The following PHYH variants were observed in gnomAD, a reference collection of about 807,000 sequenced individuals.
The protein encoded by PHYH is phytanoyl-CoA 2-hydroxylase.
PHYH carries 32 observed loss-of-function variants against 38.5 expected under a neutral mutation model. The observed-to-expected ratio is 0.83, with a 90% CI of 0.63 to 1.12. The LOEUF (loss-of-function observed/expected upper bound fraction) is 1.12. Ranked by LOEUF, PHYH falls within the 50% of genes most tolerant of loss-of-function variation. The probability of loss-of-function intolerance (pLI) is 0.00; values close to 1 mark genes in which losing one functional copy is unlikely to be tolerated. For synonymous variants in PHYH, 166 were observed against 157.9 expected (o/e 1.05, Z -0.38); for missense variants, 426 against 434.8 (o/e 0.98, Z 0.18).
intron 8 of PHYH, among the ~76,000 whole-genome samples, chr10:13,280,751 C>A (rs937138672): frequency 6.6e-6 from 1 of 152,132 alleles, no homozygotes; most frequent in East Asian, 1.9e-4. Flanking sequence ...TCTGGACAGC[C>A]CCAAGACATA....
Position 13,300,048 on chromosome 10 carries a change from C to G in PHYH, c.-6G>C. On this transcript the variant is annotated 5_prime_UTR_variant, in exon 1 of 9. Transcript: ENST00000263038. ...GCGGCGCGAAGCTGCTCCATGGCTGCGGCGCGGGGAACCCCCACCCCTCCC... is the reference window on the plus strand; with the variant it reads ...GCGGCGCGAAGCTGCTCCATGGCTGGGGCGCGGGGAACCCCCACCCCTCCC... The G allele has an allele frequency of 2.0e-6, 3 of 1,530,162 alleles. No homozygotes were observed. Among genetic ancestry groups the G allele is most frequent in the East Asian group, 2.5e-5 (1 of 40,194 alleles). 94.8% of individuals were successfully genotyped at this position (1,530,162 alleles called of 1,614,324 possible). A position where few individuals can be genotyped will look rare whatever the true frequency, so the allele number is the denominator to read the frequency against.
chr10:13,282,579 G>A (rs550543362), intron 7 of PHYH, among the ~76,000 whole-genome samples: 1 of 130,268 alleles, frequency 7.7e-6, no homozygotes, highest in East Asian at 2.2e-4. Context: ...GCAACAGAGT[G>A]AGACTCCACC....
chr10:13,288,524 G>A lies in PHYH; in HGVS notation c.514C>T (p.His172Tyr). 3.1e-6 allele frequency: 5 copies of A among 1,614,122 alleles called. No individual in the cohort carries two copies. Among genetic ancestry groups the A allele is most frequent in the Non-Finnish European group, 4.2e-6 (5 of 1,180,032 alleles). Residue 172 changes from histidine (H) to tyrosine (Y), a missense_variant, in exon 6 of 9, where the codon CAC becomes TAC. Coordinates refer to ENST00000263038, the MANE Select transcript of PHYH (RefSeq NM_006214.4). The part of the protein sequence containing the change: ...PPDSGKKTSR[H>Y]PLHQDLHYFP... ...TAGTGCAGGTCCTGGTGCAGGGGGT[G>A]ACGGGACGTCTTCTTGCCTGAAAAG...
At chr10:13,296,712 A>AGC (rs1047680809) in intron 2 of PHYH, among the ~76,000 whole-genome samples, 2 of 151,426 alleles carry the variant, frequency 1.3e-5, no homozygotes, top group Non-Finnish European at 2.9e-5. Flanking sequence ...CTGTAATCCT[A>AGC]GCTTTGGGAG....
At chr10:13,291,035 T>C (rs1382519374) in intron 5 of PHYH, among the ~76,000 whole-genome samples, 2 of 121,534 alleles carry the variant, frequency 1.6e-5, no homozygotes, top group African/African-American at 3.2e-5. Context: ...ACCTGGGAGG[T>C]GGGGGTTGCA....
intron 2 of PHYH, among the ~76,000 whole-genome samples, chr10:13,297,102 T>C (rs1832579636): frequency 2.0e-5 from 3 of 152,152 alleles, no homozygotes; most frequent in Non-Finnish European, 4.4e-5. Flanking sequence ...AAGCAATTTT[T>C]AACAGTGATT....
At chr10:13,292,623 G>C (rs1457747672) in intron 4 of PHYH, among the ~76,000 whole-genome samples, 1 of 152,104 alleles carries the variant, frequency 6.6e-6, no homozygotes, top group African/African-American at 2.4e-5. Flanking sequence ...CAACGGAGAG[G>C]GAAAAAGCAG....
In PHYH at chr10:13,288,241, G is replaced by C. The variant is rs528796312; in HGVS notation, c.678+119C>G. On this transcript the variant is annotated intron_variant, in intron 6 of 8. Transcript: ENST00000263038. The stretch of plus-strand genomic sequence containing the variant: ...CTCTGATCCTCACTGCAAATCTTAG[G>C]ACAATGTTTTGCTCAGAAAGGAAAT... 2.2e-4 allele frequency: 202 copies of C among 898,000 alleles called. No individual in the cohort carries two copies. The African/African-American group carries it at 3.0e-3, about 13-fold the overall frequency. 55.6% of individuals were successfully genotyped at this position (898,000 alleles called of 1,614,324 possible).
intron 1 of PHYH, 47 bp downstream of exon 1, chr10:13,299,921 G>A: frequency 6.7e-7 from 1 of 1,491,624 alleles, no homozygotes; most frequent in South Asian, 1.3e-5. Context: ...TCAGGCGGCG[G>A]CGCCGGCGCC....
intron 5 of PHYH, among the ~76,000 whole-genome samples, chr10:13,288,922 C>CAAAA (rs36019637): frequency 7.3e-5 from 3 of 40,902 alleles, no homozygotes; most frequent in Non-Finnish European, 1.2e-4. Context: ...CACCCCCAAC[C>CAAAA]AAAAAAAAAA....
chr10:13,278,405 T>C (rs1333193223), intron 8 of PHYH, 51 bp from the exon 9 acceptor site: 5 of 1,228,594 alleles, frequency 4.1e-6, no homozygotes, highest in Non-Finnish European at 4.8e-6. Context: ...CAATCTGCCC[T>C]CCATTAACCT....
intron 6 of PHYH, among the ~76,000 whole-genome samples, chr10:13,287,389 C>T (rs1446874530): frequency 6.6e-6 from 1 of 152,062 alleles, no homozygotes; most frequent in Non-Finnish European, 1.5e-5. Context: ...TTCGATCTTC[C>T]TAAAAGTTTG....
At chr10:13,287,851 T>G (rs1835592370) in intron 6 of PHYH, among the ~76,000 whole-genome samples, 2 of 152,192 alleles carry the variant, frequency 1.3e-5, no homozygotes, top group South Asian at 4.1e-4. Context: ...TCCTATACAG[T>G]ACCTACCCAA....
chr10:13,289,117 G>A (rs1257982929), intron 5 of PHYH, among the ~76,000 whole-genome samples: 1 of 152,072 alleles, frequency 6.6e-6, no homozygotes, highest in Non-Finnish European at 1.5e-5. Flanking sequence ...CTTCTTCCGG[G>A]TTGCTGGTAG....
At chr10:13,278,524 A>G (rs920979984) in intron 8 of PHYH, among the ~76,000 whole-genome samples, 170 bp from the exon 9 acceptor site, 1 of 151,912 alleles carries the variant, frequency 6.6e-6, no homozygotes, top group African/African-American at 2.4e-5. Context: ...CTCAACTTAA[A>G]CTACTTACTC....
chr10:13,298,462 A>G (rs1368814144), intron 1 of PHYH, among the ~76,000 whole-genome samples: 1 of 152,044 alleles, frequency 6.6e-6, no homozygotes. Flanking sequence ...GCACTTTGGG[A>G]GGCCGAGGCG....
At position 13,291,972 on chromosome 10, in the gene PHYH, T is replaced by G. The variant is rs569189489; in HGVS notation, c.415-60A>C. 7.9e-6 allele frequency: 9 copies of G among 1,139,790 alleles called. No homozygotes were observed. In the African/African-American group the frequency reaches 1.4e-4, roughly 17 times the overall value. 70.6% of individuals were successfully genotyped at this position (1,139,790 alleles called of 1,614,324 possible). A position where few individuals can be genotyped will look rare whatever the true frequency, so the allele number is the denominator to read the frequency against. ...GTGGGAAATCAGAAGTATTGACAACTGGTACAAAGTACAGTAGCTATCCAC... is the reference window on the plus strand; with the variant it reads ...GTGGGAAATCAGAAGTATTGACAACGGGTACAAAGTACAGTAGCTATCCAC... On this transcript the variant is annotated intron_variant, in intron 4 of 8. Transcript: ENST00000263038.
chr10:13,296,290 T>C (rs1026628934), intron 2 of PHYH, among the ~76,000 whole-genome samples: 3 of 91,050 alleles, frequency 3.3e-5, no homozygotes, highest in African/African-American at 9.8e-5. Context: ...ACAAGTGCAT[T>C]AGTGGGCCGG....
chr10:13,298,253 G>A lies in PHYH; in HGVS notation c.76-8C>T, dbSNP rs374515217. 103 of 1,581,810 alleles carry A rather than the reference G, an allele frequency of 6.5e-5. No individual in the cohort carries two copies. Among genetic ancestry groups the A allele is most frequent in the Non-Finnish European group, 8.8e-5 (101 of 1,150,868 alleles). On this transcript the variant is annotated splice_region_variant and splice_polypyrimidine_tract_variant and intron_variant, in intron 1 of 8. Transcript: ENST00000263038. ...TGAAGTGGGATGAGCTACCTAGGATGTGAATTAAGGCAAATAAAGTAAAAT... is the reference window on the plus strand; with the variant it reads ...TGAAGTGGGATGAGCTACCTAGGATATGAATTAAGGCAAATAAAGTAAAAT...
Sources: gnomAD v4.1 joint callset for allele counts (sites outside exome capture counted in the v4.1 genomes callset) on GRCh38, gnomAD v4.1.1 for gene constraint, MANE v1.5 for transcripts, NCBI Gene and HGNC (gene_info 2026-07-23, HGNC 2026-07-21) for gene names.